TBXAS1: variants seen among roughly 807,000 people sequenced by gnomAD.
The protein encoded by TBXAS1 is thromboxane-A synthase.
A neutral mutation model predicts 60.7 loss-of-function variants in TBXAS1; 48 were observed. The ratio of observed to expected loss-of-function variants is 0.79; its 90% CI spans 0.63 to 1.01. The LOEUF is 1.01. Ranked by LOEUF, TBXAS1 falls within the 50% of genes least tolerant of loss-of-function variation. The pLI is 0.00. For missense variants in TBXAS1, 685 were observed against 686.3 expected (o/e 1.00, Z 0.02); for synonymous variants, 287 against 269.7 (o/e 1.06, Z -0.63).
intron 11 of TBXAS1, among the ~76,000 whole-genome samples, chr7:140,017,430 C>A (rs1326078551): frequency 1.3e-5 from 2 of 152,192 alleles, no homozygotes; most frequent in African/African-American, 4.8e-5. Context: ...TAAGGAGAGG[C>A]AGGGAGGGAG....
At chr7:139,862,007 T>C (rs1801003949) in intron 1 of TBXAS1, among the ~76,000 whole-genome samples, 1 of 152,216 alleles carries the variant, frequency 6.6e-6, no homozygotes, top group African/African-American at 2.4e-5. Context: ...ATCTACTGTG[T>C]CTCAAGTGTT....
intron 5 of TBXAS1, among the ~76,000 whole-genome samples, chr7:139,942,083 GT>G (rs1808338714): frequency 6.6e-6 from 1 of 152,188 alleles, no homozygotes; most frequent in Admixed American, 6.5e-5. Flanking sequence ...AAAGTGGCAG[GT>G]AACCTTCAGT....
At chr7:139,997,128 G>A (rs1813352818) in intron 9 of TBXAS1, among the ~76,000 whole-genome samples, 1 of 152,162 alleles carries the variant, frequency 6.6e-6, no homozygotes, top group Non-Finnish European at 1.5e-5. Flanking sequence ...CAAATACAGA[G>A]TAAGTTCTAT....
intron 4 of TBXAS1, among the ~76,000 whole-genome samples, chr7:139,804,285 C>T (rs1266012315): frequency 6.6e-6 from 1 of 152,194 alleles, no homozygotes; most frequent in Non-Finnish European, 1.5e-5. Context: ...TGGATGGGGC[C>T]TGTAGCTCCT....
intron 3 of TBXAS1, among the ~76,000 whole-genome samples, chr7:139,876,504 T>C (rs1267862246): frequency 6.6e-6 from 1 of 152,156 alleles, no homozygotes; most frequent in Middle Eastern, 3.2e-3. Flanking sequence ...TGTAGGTGCA[T>C]TAAAGTTCTC....
At chr7:139,842,599 T>C (rs1219903281) in intron 1 of TBXAS1, among the ~76,000 whole-genome samples, 2 of 152,248 alleles carry the variant, frequency 1.3e-5, no homozygotes, top group African/African-American at 2.4e-5. Context: ...TCATTGGTGC[T>C]TCAATTACTA....
chr7:139,798,517 G>GA (rs1585521491), intron 4 of TBXAS1, among the ~76,000 whole-genome samples: 2 of 152,214 alleles, frequency 1.3e-5, no homozygotes, highest in Non-Finnish European at 2.9e-5. Context: ...GGCTAACGCT[G>GA]AAAAATAGTG....
intron 10 of TBXAS1, among the ~76,000 whole-genome samples, chr7:140,009,172 G>C (rs926166623): frequency 2.0e-5 from 3 of 152,248 alleles, no homozygotes; most frequent in Non-Finnish European, 4.4e-5. Flanking sequence ...GAGCAGAAAA[G>C]GAAGTTGGTG....
At chr7:140,016,865 G>C (rs1697528077) in intron 11 of TBXAS1, 1 of 152,300 alleles carries the variant, frequency 6.6e-6, no homozygotes, top group Non-Finnish European at 1.5e-5. Flanking sequence ...CTGGGAAAAC[G>C]TGAGCAATGG....
chr7:139,926,513 C>A (rs1395201017), intron 4 of TBXAS1, among the ~76,000 whole-genome samples: 1 of 151,944 alleles, frequency 6.6e-6, no homozygotes, highest in East Asian at 1.9e-4. Context: ...TTTACTTGAG[C>A]CTTCTTTCTT....
At chr7:139,834,246 A>T (rs992436084) in intron 1 of TBXAS1, among the ~76,000 whole-genome samples, 4 of 152,228 alleles carry the variant, frequency 2.6e-5, no homozygotes, top group African/African-American at 7.2e-5. Context: ...GATGGAAATT[A>T]AAAAATTCTT....
At chr7:139,989,017 G>A (rs773831588) in intron 9 of TBXAS1, among the ~76,000 whole-genome samples, 3 of 152,214 alleles carry the variant, frequency 2.0e-5, no homozygotes, top group Non-Finnish European at 2.9e-5. Flanking sequence ...AGAGCTCTCC[G>A]TGATCTCTAA....
At chr7:139,973,888 A>G (rs1040178395) in intron 9 of TBXAS1, among the ~76,000 whole-genome samples, 1 of 152,120 alleles carries the variant, frequency 6.6e-6, no homozygotes, top group African/African-American at 2.4e-5. Flanking sequence ...ATTAAACTCC[A>G]CTGGCCTCCC....
chr7:139,812,984 G>A (rs991733114), intron 4 of TBXAS1, among the ~76,000 whole-genome samples: 3 of 151,952 alleles, frequency 2.0e-5, no homozygotes, highest in Non-Finnish European at 4.4e-5. Context: ...TTGAACCGGG[G>A]TGGCGGAGGT....
At chr7:139,882,626 A>G (rs1802779337) in intron 3 of TBXAS1, among the ~76,000 whole-genome samples, 1 of 152,234 alleles carries the variant, frequency 6.6e-6, no homozygotes, top group Non-Finnish European at 1.5e-5. Context: ...ATGAAAATAT[A>G]CATAGTATAT....
chr7:139,781,662 T>C (rs1310222607), intron 2 of TBXAS1, among the ~76,000 whole-genome samples: 1 of 151,718 alleles, frequency 6.6e-6, no homozygotes, highest in Admixed American at 6.6e-5. Flanking sequence ...TGAAACTCCA[T>C]CTCTACTAAA....
At chr7:139,875,502 G>C (rs1802158600) in intron 2 of TBXAS1, 83 bp from the exon 3 acceptor site, 2 of 1,153,574 alleles carry the variant, frequency 1.7e-6, no homozygotes, top group Non-Finnish European at 2.6e-6. Context: ...TATTCTTGCT[G>C]TTCCAAATTG....
chr7:139,960,055 G>A (rs563470262), intron 8 of TBXAS1, among the ~76,000 whole-genome samples: 100 of 152,304 alleles, frequency 6.6e-4, no homozygotes, highest in Admixed American at 1.2e-3. Flanking sequence ...AGGGTGGAAT[G>A]AAGCCACCAA....
chr7:139,970,797 G>T (rs1396952390), intron 9 of TBXAS1, among the ~76,000 whole-genome samples: 2 of 152,142 alleles, frequency 1.3e-5, no homozygotes, highest in African/African-American at 4.8e-5. Flanking sequence ...GTGATTTAAA[G>T]TCATTTTCAA....
Sources: gnomAD v4.1 joint callset for allele counts (sites outside exome capture counted in the v4.1 genomes callset) on GRCh38, gnomAD v4.1.1 for gene constraint, MANE v1.5 for transcripts, NCBI Gene and HGNC (gene_info 2026-07-23, HGNC 2026-07-21) for gene names.